ELFN2: variants seen among roughly 807,000 people sequenced by gnomAD.
ELFN2 encodes the protein extracellular leucine rich repeat and fibronectin type III domain containing 2, also known as protein phosphatase 1 regulatory subunit 29.
In ELFN2, 17 loss-of-function variants were observed where a neutral mutation model predicts 45.5. That is an observed-to-expected ratio of 0.37 (90% CI 0.26 to 0.56). The LOEUF (loss-of-function observed/expected upper bound fraction) is 0.56, where lower values mean the gene tolerates loss of function less well. Ranked by LOEUF, ELFN2 falls within the 20% of genes least tolerant of loss-of-function variation. The pLI is 0.77. For missense variants in ELFN2, 922 were observed against 1,183.2 expected (o/e 0.78, Z 3.24); for synonymous variants, 550 against 551.5 (o/e 1.00, Z 0.04).
At chr22:37,396,206 C>G (rs573113968) in intron 2 of ELFN2, among the ~76,000 whole-genome samples, 1 of 152,232 alleles carries the variant, frequency 6.6e-6, no homozygotes, top group South Asian at 2.1e-4. Context: ...ATTTTATAAA[C>G]TAAGTATCAG....
At chr22:37,383,074 T>C (rs1224801269) in intron 2 of ELFN2, among the ~76,000 whole-genome samples, 1 of 152,196 alleles carries the variant, frequency 6.6e-6, no homozygotes, top group Non-Finnish European at 1.5e-5. Context: ...TCCTTCGCTG[T>C]GGTGTCAAGT....
intron 2 of ELFN2, among the ~76,000 whole-genome samples, chr22:37,388,585 T>C (rs969533887): frequency 2.6e-5 from 4 of 152,230 alleles, no homozygotes; most frequent in Admixed American, 1.3e-4. Context: ...AGTGCTCTTC[T>C]GGGCTCTTCT....
intron 2 of ELFN2, among the ~76,000 whole-genome samples, chr22:37,402,698 T>C (rs1043737727): frequency 6.6e-6 from 1 of 152,118 alleles, no homozygotes; most frequent in Non-Finnish European, 1.5e-5. Flanking sequence ...GAAGCCTCCC[T>C]GGCAGCTGGA....
At chr22:37,413,930 A>G (rs1367725312) in intron 2 of ELFN2, among the ~76,000 whole-genome samples, 1 of 152,230 alleles carries the variant, frequency 6.6e-6, no homozygotes, top group African/African-American at 2.4e-5. Flanking sequence ...CAGCAGCAGA[A>G]GACAGCACTG....
At chr22:37,348,187 G>A (rs1930740108) in intron 1 of ELFN2, among the ~76,000 whole-genome samples, 1 of 152,218 alleles carries the variant, frequency 6.6e-6, no homozygotes, top group South Asian at 2.1e-4. Context: ...ACAGACACGT[G>A]CGCTCATGTA....
At chr22:37,423,907 C>T (rs1210320304) in intron 1 of ELFN2, among the ~76,000 whole-genome samples, 1 of 152,080 alleles carries the variant, frequency 6.6e-6, no homozygotes, top group African/African-American at 2.4e-5. Context: ...ATGCCTCTGC[C>T]CCAGGTGGTA....
Position 37,406,908 on chromosome 22 carries a change from G to A in ELFN2, c.-463+10861C>T, listed in dbSNP as rs189859683. Among the ~76,000 whole-genome samples, 206 of 152,340 alleles carry A rather than the reference G, an allele frequency of 1.4e-3. 2 individuals are homozygous for A. The highest frequency in any genetic ancestry group is 4.3e-3 in the African/African-American group (177 of 41,586). On this transcript the variant is annotated intron_variant, in intron 2 of 2. Coordinates refer to ENST00000402918, the MANE Select transcript of ELFN2 (RefSeq NM_052906.5). The stretch of plus-strand genomic sequence containing the variant: ...ACTGGGCAAAGCAGGCAATGCACCC[G>A]TGGTCACCTGGACAGCCCCACCTTC...
chr22:37,395,153 T>A (rs1932182433), intron 2 of ELFN2, among the ~76,000 whole-genome samples: 1 of 136,080 alleles, frequency 7.3e-6, no homozygotes, highest in Non-Finnish European at 1.7e-5. Context: ...AAATAAATAT[T>A]GTTGGATTAA....
intron 2 of ELFN2, among the ~76,000 whole-genome samples, chr22:37,384,614 C>CA (rs1371444244): frequency 6.1e-4 from 73 of 120,244 alleles, no homozygotes; most frequent in Non-Finnish European, 8.1e-4. Flanking sequence ...CCCTGCCTCC[C>CA]CCACCTGACC....
downstream of ELFN2, among the ~76,000 whole-genome samples, chr22:37,367,229 C>T (rs1931225098): frequency 6.6e-6 from 1 of 152,214 alleles, no homozygotes; most frequent in Non-Finnish European, 1.5e-5. Flanking sequence ...CAGACTGGCC[C>T]CGAGCAGAGG....
At position 37,350,815 on chromosome 22, in the gene ELFN2, G is replaced by A. The variant is rs570659653; in HGVS notation, n.149-8112C>T. On this transcript the variant is annotated intron_variant and non_coding_transcript_variant, in intron 1 of 2. Coordinates refer to ENST00000452946, the Ensembl canonical transcript of ELFN2. Reference sequence around the variant, plus strand: ...GCAAGGTGGTGCTTCTCCAAGACCCGAGGCCTCCAGGCAGTCTCCTTTCAC... The same window carrying A: ...GCAAGGTGGTGCTTCTCCAAGACCCAAGGCCTCCAGGCAGTCTCCTTTCAC... Among the ~76,000 whole-genome samples, 39 of 148,752 alleles carry A rather than the reference G, an allele frequency of 2.6e-4. 2 individuals are homozygous for A. Among genetic ancestry groups the A allele is most frequent in the Middle Eastern group, 3.2e-3 (1 of 312 alleles).
At chr22:37,409,813 A>T (rs530382036) in intron 2 of ELFN2, among the ~76,000 whole-genome samples, 1 of 152,290 alleles carries the variant, frequency 6.6e-6, no homozygotes, top group East Asian at 1.9e-4. Flanking sequence ...CAGGGGCCGC[A>T]GGAGGGTGCA....
intron 1 of ELFN2, among the ~76,000 whole-genome samples, chr22:37,344,988 A>G (rs922092444): frequency 1.3e-5 from 2 of 152,072 alleles, no homozygotes; most frequent in Non-Finnish European, 2.9e-5. Flanking sequence ...TCCCACTGGG[A>G]GCCAGCCCAG....
At position 37,372,865 on chromosome 22, in the gene ELFN2, T is replaced by C; in HGVS notation, c.*207A>G. On this transcript the variant is annotated 3_prime_UTR_variant, in exon 3 of 3. Coordinates refer to ENST00000402918, the MANE Select transcript of ELFN2 (RefSeq NM_052906.5). The surrounding 1 kb of genome is among the most constrained non-coding windows in gnomAD (Gnocchi z 4.4). ...AAACTTTAAGGAAAATGTGTCTCTG[T>C]TTTCCTGTCCGTTATTGTCGGATGT... 1 of 587,256 alleles carries C rather than the reference T, an allele frequency of 1.7e-6. No individual in the cohort carries two copies. Among genetic ancestry groups the C allele is most frequent in the Non-Finnish European group, 2.9e-6 (1 of 339,172 alleles). 36.4% of individuals were successfully genotyped at this position (587,256 alleles called of 1,614,324 possible).
intron 2 of ELFN2, among the ~76,000 whole-genome samples, chr22:37,392,657 G>A (rs755252766): frequency 6.6e-5 from 10 of 152,152 alleles, no homozygotes; most frequent in South Asian, 2.1e-4. Context: ...TGCAGATAAG[G>A]GAAGTAAGGC....
chr22:37,342,971 G>A (rs1323084711), intron 1 of ELFN2, among the ~76,000 whole-genome samples: 2 of 152,198 alleles, frequency 1.3e-5, no homozygotes, highest in African/African-American at 4.8e-5. Context: ...CTAAGGGACA[G>A]CTTACCTGGG....
chr22:37,376,032 T>C (rs1931576304), intron 2 of ELFN2, 36 bp from the exon 3 acceptor site: 1 of 172,376 alleles, frequency 5.8e-6, no homozygotes, highest in South Asian at 1.6e-4. Flanking sequence ...GACAGATCAG[T>C]GTGAGGGCTC....
chr22:37,352,214 T>A (rs972569887), intron 1 of ELFN2: 1 of 151,104 alleles, frequency 6.6e-6, no homozygotes, highest in Non-Finnish European at 1.5e-5. Flanking sequence ...TATTAATTAC[T>A]TTTTACTCTT....
intron 2 of ELFN2, among the ~76,000 whole-genome samples, chr22:37,391,127 T>A (rs1490143495): frequency 1.3e-5 from 2 of 152,176 alleles, no homozygotes; most frequent in South Asian, 2.1e-4. Flanking sequence ...GGCCTTCTGG[T>A]TGGGGCTCTG....
Sources: gnomAD v4.1 joint callset for allele counts (sites outside exome capture counted in the v4.1 genomes callset) on GRCh38, gnomAD v4.1.1 for gene constraint, Gnocchi (gnomAD v3.1) non-coding constraint, MANE v1.5 for transcripts, NCBI Gene and HGNC (gene_info 2026-07-23, HGNC 2026-07-21) for gene names.